ARHGAP10: variants seen among roughly 807,000 people sequenced by gnomAD.
ARHGAP10 encodes Rho GTPase activating protein 10, also known as rho GTPase-activating protein 10.
A neutral mutation model predicts 108.6 loss-of-function variants in ARHGAP10; 87 were observed. That is an observed-to-expected ratio of 0.80 (90% CI 0.67 to 0.96). The LOEUF (loss-of-function observed/expected upper bound fraction) is 0.96, where lower values mean the gene tolerates loss of function less well. Ranked by LOEUF, ARHGAP10 falls within the 40% of genes least tolerant of loss-of-function variation. The pLI is 0.00. For synonymous variants in ARHGAP10, 347 were observed against 341.1 expected (o/e 1.02, Z -0.19); for missense variants, 939 against 954.5 (o/e 0.98, Z 0.21).
At chr4:147,865,073 G>A in intron 6 of ARHGAP10, 117 bp downstream of exon 6, 1 of 871,160 alleles carries the variant, frequency 1.1e-6, no homozygotes, top group Non-Finnish European at 1.8e-6. Context: ...AAACATGAAA[G>A]AGACATATTA....
chr4:148,024,589 G>T (rs537096502), intron 19 of ARHGAP10, among the ~76,000 whole-genome samples: 1 of 152,300 alleles, frequency 6.6e-6, no homozygotes, highest in East Asian at 1.9e-4. Flanking sequence ...TGCTTAAGAC[G>T]TAGGTACATA....
intron 1 of ARHGAP10, among the ~76,000 whole-genome samples, chr4:147,801,419 AAC>A (rs1731577465): frequency 6.6e-6 from 1 of 152,246 alleles, no homozygotes; most frequent in African/African-American, 2.4e-5. Flanking sequence ...TTATAATGTT[AAC>A]ACACAAAATA....
At chr4:147,919,745 A>AT (rs907730859) in intron 13 of ARHGAP10, among the ~76,000 whole-genome samples, 19 of 151,788 alleles carry the variant, frequency 1.3e-4, no homozygotes, top group African/African-American at 4.4e-4. Flanking sequence ...TACCCAGCTA[A>AT]TTTTTTTGTA....
intron 1 of ARHGAP10, among the ~76,000 whole-genome samples, chr4:147,801,394 G>C (rs1165497540): frequency 6.6e-6 from 1 of 152,292 alleles, no homozygotes; most frequent in African/African-American, 2.4e-5. Context: ...TTGCTGTGCT[G>C]TAATGCTCTG....
intron 18 of ARHGAP10, among the ~76,000 whole-genome samples, chr4:148,022,815 A>G (rs1410846936): frequency 1.3e-5 from 2 of 152,348 alleles, no homozygotes; most frequent in East Asian, 1.9e-4. Flanking sequence ...TTAAATGTGT[A>G]AAAAGTATTT....
intron 7 of ARHGAP10, among the ~76,000 whole-genome samples, chr4:147,870,042 G>T (rs1251579577): frequency 6.7e-6 from 1 of 148,310 alleles, no homozygotes; most frequent in Non-Finnish European, 1.5e-5. Flanking sequence ...GTGTGTGTGT[G>T]TGTTTCATTT....
intron 4 of ARHGAP10, among the ~76,000 whole-genome samples, chr4:147,849,284 T>C (rs1243657761): frequency 2.0e-5 from 3 of 151,754 alleles, no homozygotes; most frequent in Non-Finnish European, 2.9e-5. Flanking sequence ...CCTGCCTTAA[T>C]ACATAAAGTA....
At chr4:147,988,104 G>C (rs1204446262) in intron 18 of ARHGAP10, among the ~76,000 whole-genome samples, 1 of 152,152 alleles carries the variant, frequency 6.6e-6, no homozygotes, top group Non-Finnish European at 1.5e-5. Context: ...TACTGCAGGT[G>C]TCTCCTGCCT....
intron 1 of ARHGAP10, among the ~76,000 whole-genome samples, chr4:147,774,640 G>A (rs564739448): frequency 1.5e-4 from 23 of 152,198 alleles, no homozygotes; most frequent in African/African-American, 4.6e-4. Context: ...GACCACCCAG[G>A]ATTTACAAAG....
chr4:148,047,774 C>T (rs1728952692), intron 20 of ARHGAP10, among the ~76,000 whole-genome samples: 1 of 152,082 alleles, frequency 6.6e-6, no homozygotes, highest in African/African-American at 2.4e-5. Flanking sequence ...CTTGATTAGT[C>T]AATCAAATTT....
At chr4:147,981,515 G>A (rs1157868369) in intron 18 of ARHGAP10, among the ~76,000 whole-genome samples, 1 of 152,246 alleles carries the variant, frequency 6.6e-6, no homozygotes, top group African/African-American at 2.4e-5. Context: ...ATGTGCAGAT[G>A]AGGAGAATGA....
In ARHGAP10 at chr4:147,732,338, C is replaced by T. The variant is rs768263847; in HGVS notation, c.37C>T (p.Leu13Phe). 2 of 1,613,284 alleles carry T rather than the reference C, an allele frequency of 1.2e-6. No homozygotes were observed. The highest frequency in any genetic ancestry group is 2.2e-5 in the South Asian group (2 of 91,028). The change falls in exon 1 of 23, where the codon CTC (leucine) becomes TTC (phenylalanine). Residue 13 changes from leucine (L) to phenylalanine (F), a missense_variant. By Grantham distance (22) the Leu-to-Phe change is conservative. Coordinates refer to ENST00000336498, the MANE Select transcript of ARHGAP10 (RefSeq NM_024605.4). ...GCCCCTGGAGTTCAGCGACTGCTAC[C>T]TCGACAGCCCGTGGTTCCGGGAGAG... ...LQPLEFSDCYLDSPWFRERIR... is the reference protein window; with the variant it reads ...LQPLEFSDCYFDSPWFRERIR...
At chr4:147,991,258 T>A (rs955268983) in intron 18 of ARHGAP10, among the ~76,000 whole-genome samples, 11 of 152,044 alleles carry the variant, frequency 7.2e-5, no homozygotes, top group Non-Finnish European at 1.3e-4. Flanking sequence ...TGTCTGGAGA[T>A]TTACTGGAAG....
intron 3 of ARHGAP10, among the ~76,000 whole-genome samples, chr4:147,834,788 C>T (rs1733099802): frequency 7.4e-6 from 1 of 135,814 alleles, no homozygotes; most frequent in Non-Finnish European, 1.6e-5. Flanking sequence ...ATCCGGCTTG[C>T]TTTCCTTCCC....
At chr4:148,017,674 ATATAT>A (rs200622324) in intron 18 of ARHGAP10, among the ~76,000 whole-genome samples, 10,338 of 139,246 alleles carry the variant, frequency 0.074, 622 homozygotes, top group South Asian at 0.19. Context: ...ATATATATAT[ATATAT>A]ATATGTGTGT....
intron 20 of ARHGAP10, among the ~76,000 whole-genome samples, chr4:148,050,146 C>T (rs1045460629): frequency 6.6e-6 from 1 of 151,910 alleles, no homozygotes; most frequent in Non-Finnish European, 1.5e-5. Context: ...GGATTACAGG[C>T]GTGAGCTACC....
At chr4:147,756,054 A>G (rs1312755414) in intron 1 of ARHGAP10, among the ~76,000 whole-genome samples, 1 of 149,556 alleles carries the variant, frequency 6.7e-6, no homozygotes, top group Non-Finnish European at 1.5e-5. Context: ...AGTGGTGAGG[A>G]TTCTAAAAAT....
chr4:148,000,321 T>C (rs191495947), intron 18 of ARHGAP10, among the ~76,000 whole-genome samples: 1 of 152,342 alleles, frequency 6.6e-6, no homozygotes, highest in African/African-American at 2.4e-5. Flanking sequence ...TAATCCAGTC[T>C]ATCATTGATG....
rs748638431 is a variant in ARHGAP10, at chr4:147,965,073, C to T, written c.1500C>T (p.His500=). ...SRVNAIHFLV[H]KLPEKNKEML... ...TTAATGCGATCCATTTCTTGGTACA[C>T]AAACTGCCAGAGAAGAATAAAGAGA... Residue 500 remains histidine (H), a synonymous_variant, in exon 17 of 23, where the codon CAC becomes CAT. Transcript: ENST00000336498. 5 of 1,607,460 alleles carry T rather than the reference C, an allele frequency of 3.1e-6. No homozygotes were observed. Among genetic ancestry groups the T allele is most frequent in the Non-Finnish European group, 1.7e-6 (2 of 1,176,742 alleles).
Sources: allele counts gnomAD v4.1 joint callset (sites outside exome capture counted in the v4.1 genomes callset), GRCh38; gene constraint gnomAD v4.1.1; transcripts MANE v1.5; gene names NCBI Gene and HGNC (gene_info 2026-07-23, HGNC 2026-07-21).